Variants in PCDH9 observed in about 807,000 individuals in gnomAD.
PCDH9 encodes protocadherin-9.
In PCDH9, 24 loss-of-function variants were observed where a neutral mutation model predicts 70.6. The ratio of observed to expected loss-of-function variants is 0.34; its 90% confidence interval spans 0.25 to 0.48. PCDH9 has a LOEUF of 0.48. PCDH9 is among the 20% of genes least tolerant of loss of function. The pLI is 0.99. For synonymous variants in PCDH9, 562 were observed against 558.5 expected, an observed-to-expected ratio of 1.01 and a Z score of -0.09; for missense variants, 1,281 against 1,503.6, an observed-to-expected ratio of 0.85 and a Z score of 2.45.
intron 4 of PCDH9, among the ~76,000 whole-genome samples, chr13:66,463,004 T>C (rs947188805): frequency 6.6e-5 from 10 of 151,864 alleles, no homozygotes; most frequent in Non-Finnish European, 1.2e-4. Context: ...CCCAATAAAA[T>C]GCCATATGCA....
At chr13:67,138,555 T>G (rs889388619) in intron 2 of PCDH9, among the ~76,000 whole-genome samples, 3 of 152,198 alleles carry the variant, frequency 2.0e-5, no homozygotes, top group Non-Finnish European at 2.9e-5. Context: ...TTTGTGACTT[T>G]ACTTCATCCT....
At chr13:66,510,133 A>C (rs571743613) in intron 4 of PCDH9, among the ~76,000 whole-genome samples, 2 of 152,230 alleles carry the variant, frequency 1.3e-5, no homozygotes, top group South Asian at 4.1e-4. Context: ...GAGCCAACTC[A>C]ACACTTACAC....
At chr13:67,035,771 T>A (rs947928635) in intron 2 of PCDH9, among the ~76,000 whole-genome samples, 21 of 152,096 alleles carry the variant, frequency 1.4e-4, no homozygotes, top group African/African-American at 4.8e-4. Flanking sequence ...AATCTTTCAC[T>A]ATCTTTAAAA....
intron 3 of PCDH9, among the ~76,000 whole-genome samples, chr13:66,682,667 T>C (rs949415499): frequency 2.6e-5 from 4 of 152,172 alleles, no homozygotes; most frequent in African/African-American, 9.7e-5. Flanking sequence ...TCAGAGTGTA[T>C]TGTAATTTTT....
chr13:66,942,842 C>A (rs549677963), intron 2 of PCDH9, among the ~76,000 whole-genome samples: 1 of 152,076 alleles, frequency 6.6e-6, no homozygotes, highest in African/African-American at 2.4e-5. Context: ...CCTTAAATGG[C>A]CTGAGCCAAG....
intron 3 of PCDH9, among the ~76,000 whole-genome samples, chr13:66,857,672 A>T (rs926391155): frequency 3.3e-5 from 5 of 151,894 alleles, no homozygotes; most frequent in East Asian, 3.9e-4. Flanking sequence ...ATATTCATAT[A>T]TTTTTTTTCT....
At chr13:66,823,878 G>A in intron 3 of PCDH9, among the ~76,000 whole-genome samples, 1 of 152,012 alleles carries the variant, frequency 6.6e-6, no homozygotes, top group Non-Finnish European at 1.5e-5. Flanking sequence ...AAAATGTCAA[G>A]TTTTTTGTTT....
At chr13:66,558,001 A>T (rs974134264) in intron 4 of PCDH9, among the ~76,000 whole-genome samples, 2 of 152,094 alleles carry the variant, frequency 1.3e-5, no homozygotes, top group African/African-American at 2.4e-5. Context: ...AAAAATACTT[A>T]AAAAATTACC....
chr13:66,763,196 T>C (rs530997832), intron 3 of PCDH9, among the ~76,000 whole-genome samples: 1 of 151,836 alleles, frequency 6.6e-6, no homozygotes, highest in Non-Finnish European at 1.5e-5. Flanking sequence ...AAATGACATA[T>C]ATTTTATATA....
At chr13:66,917,263 G>A (rs1271240670) in intron 2 of PCDH9, among the ~76,000 whole-genome samples, 1 of 151,484 alleles carries the variant, frequency 6.6e-6, no homozygotes, top group Non-Finnish European at 1.5e-5. Context: ...CTGGGCCTTT[G>A]AGAATATGTT....
intron 2 of PCDH9, among the ~76,000 whole-genome samples, chr13:67,047,733 T>C (rs1366039506): frequency 6.6e-6 from 1 of 152,210 alleles, no homozygotes; most frequent in Non-Finnish European, 1.5e-5. Flanking sequence ...TCCAAGTTCT[T>C]GTATTCTAAT....
At chr13:66,571,384 A>G (rs762204846) in intron 4 of PCDH9, among the ~76,000 whole-genome samples, 8 of 152,058 alleles carry the variant, frequency 5.3e-5, no homozygotes, top group Non-Finnish European at 1.2e-4. Context: ...TTGCAGACCT[A>G]TGATTCACTC....
chr13:67,070,420 G>C (rs955712598), intron 2 of PCDH9, among the ~76,000 whole-genome samples: 1 of 152,134 alleles, frequency 6.6e-6, no homozygotes, highest in Non-Finnish European at 1.5e-5. Flanking sequence ...AAGAGAAGTA[G>C]ACAGCCTTTC....
chr13:66,893,769 T>C (rs2082132370), intron 3 of PCDH9, among the ~76,000 whole-genome samples: 1 of 152,128 alleles, frequency 6.6e-6, no homozygotes, highest in South Asian at 2.1e-4. Context: ...CCTAATATGT[T>C]TTATTCTCTT....
intron 4 of PCDH9, among the ~76,000 whole-genome samples, chr13:66,630,934 A>T (rs2077562716): frequency 6.6e-6 from 1 of 152,174 alleles, no homozygotes. Flanking sequence ...CTCTGACATC[A>T]GAATATCTTG....
intron 4 of PCDH9, among the ~76,000 whole-genome samples, chr13:66,309,415 A>G (rs551473320): frequency 1.3e-5 from 2 of 152,154 alleles, no homozygotes; most frequent in East Asian, 3.9e-4. Flanking sequence ...GATATATGCT[A>G]ATAACTGACT....
At chr13:66,822,642 C>T (rs990296222) in intron 3 of PCDH9, among the ~76,000 whole-genome samples, 2 of 151,828 alleles carry the variant, frequency 1.3e-5, no homozygotes, top group African/African-American at 4.8e-5. Context: ...TATCTGGCCT[C>T]AGGCTCCCAA....
Position 66,744,703 on chromosome 13 carries a change from T to TA in PCDH9, c.3139-113293dup, listed in dbSNP as rs201802182. On this transcript the variant is annotated intron_variant, in intron 3 of 4. Coordinates refer to ENST00000377865, the MANE Select transcript of PCDH9 (RefSeq NM_203487.3). ...TAAACACAAGAAAGAAATTCAGGTA[T>TA]AAAAAATGAATATGTTATTCTTTCA... is the stretch of plus-strand genomic sequence containing the variant. Among the ~76,000 whole-genome samples, 33 of 152,236 alleles carry TA rather than the reference T, an allele frequency of 2.2e-4. No individual in the cohort carries two copies. The East Asian group carries it at 4.4e-3, about 20-fold the overall frequency.
rs1424648241 is a variant in PCDH9 at position 66,815,339 on chromosome 13, TC to T, written c.3138+88164del. On this transcript the variant is annotated intron_variant, in intron 3 of 4. Coordinates refer to ENST00000377865, the MANE Select transcript of PCDH9 (RefSeq NM_203487.3). ...ACTGCTGGTGGAAATGTAAATTAGTTCAACCATTGTGGAAAGCAGTTCAGCA... is the reference window on the plus strand; with the variant it reads ...ACTGCTGGTGGAAATGTAAATTAGTTAACCATTGTGGAAAGCAGTTCAGCA... Among the ~76,000 whole-genome samples, 3 of 152,186 alleles carry T rather than the reference TC, an allele frequency of 2.0e-5. No individual in the cohort carries two copies. The East Asian group carries it at 5.8e-4, about 29-fold the overall frequency.
Sources: gnomAD v4.1 joint callset for allele counts (sites outside exome capture counted in the v4.1 genomes callset) on GRCh38, gnomAD v4.1.1 for gene constraint, MANE v1.5 for transcripts, NCBI Gene and HGNC (gene_info 2026-07-23, HGNC 2026-07-21) for gene names.